EPHA6: variants seen among roughly 807,000 people sequenced by gnomAD.
EPHA6 encodes the protein EPH receptor A6, also known as ephrin type-A receptor 6.
A neutral mutation model predicts 112.0 loss-of-function variants in EPHA6; 50 were observed. The ratio of observed to expected loss-of-function variants is 0.45; its 90% CI spans 0.36 to 0.56. The LOEUF (loss-of-function observed/expected upper bound fraction) is 0.56, where lower values mean the gene tolerates loss of function less well. Ranked by LOEUF, EPHA6 falls within the 20% of genes least tolerant of loss-of-function variation. The probability of loss-of-function intolerance (pLI) is 0.00; values close to 1 mark genes in which losing one functional copy is unlikely to be tolerated. For synonymous variants in EPHA6, 529 were observed against 490.7 expected (o/e 1.08, Z -1.03); for missense variants, 1,280 against 1,417.4 (o/e 0.90, Z 1.56).
Position 96,947,717 on chromosome 3 carries a change from A to T in EPHA6, c.451-39613A>T, listed in dbSNP as rs879886064. Among the ~76,000 whole-genome samples, 30 of 152,160 alleles carry T rather than the reference A, an allele frequency of 2.0e-4. 1 individual carries two copies. The highest frequency in any genetic ancestry group is 3.9e-4 in the Admixed American group (6 of 15,260). On this transcript the variant is annotated intron_variant, in intron 2 of 17. Transcript: ENST00000389672. ...GGATGTGAAGGAGCTCTTCAAGGAG[A>T]ACTACAAACCACTGCTCAATGAAAT... is the stretch of plus-strand genomic sequence containing the variant.
At chr3:97,343,914 T>A (rs2083424525) in intron 5 of EPHA6, among the ~76,000 whole-genome samples, 1 of 152,128 alleles carries the variant, frequency 6.6e-6, no homozygotes, top group Admixed American at 6.5e-5. Flanking sequence ...AAGAGGATTG[T>A]TCTTGAGCCT....
At chr3:97,173,400 A>G (rs187288720) in intron 3 of EPHA6, among the ~76,000 whole-genome samples, 3 of 151,990 alleles carry the variant, frequency 2.0e-5, no homozygotes, top group East Asian at 1.9e-4. Context: ...TATGAAGTAT[A>G]TATGTATTAA....
intron 3 of EPHA6, among the ~76,000 whole-genome samples, chr3:97,182,113 A>G (rs1358595152): frequency 6.6e-6 from 1 of 152,022 alleles, no homozygotes; most frequent in Non-Finnish European, 1.5e-5. Flanking sequence ...GAAGCTTTTT[A>G]TTATGTCCCA....
intron 1 of EPHA6, among the ~76,000 whole-genome samples, chr3:96,849,186 C>G (rs2107361055): frequency 6.6e-6 from 1 of 152,060 alleles, no homozygotes; most frequent in South Asian, 2.1e-4. Context: ...TTACTTTGGT[C>G]CAGTTGAGCT....
In EPHA6 at chr3:97,478,025, C is replaced by G. The variant is rs187177746; in HGVS notation, c.2004-1269C>G. Among the ~76,000 whole-genome samples the G allele has an allele frequency of 9.3e-4, 141 of 151,962 alleles. 2 individuals are homozygous for G. Among genetic ancestry groups the G allele is most frequent in the Admixed American group, 8.0e-3 (122 of 15,260 alleles). On this transcript the variant is annotated intron_variant, in intron 8 of 17. Transcript: ENST00000389672. Reference sequence around the variant, plus strand: ...TTTTCTTATTATTATACTTTAAGTTCTAGGGTACATGTGCACACATATGTT... The same window carrying G: ...TTTTCTTATTATTATACTTTAAGTTGTAGGGTACATGTGCACACATATGTT...
At chr3:97,510,330 C>T (rs1384653200) in intron 10 of EPHA6, among the ~76,000 whole-genome samples, 1 of 152,168 alleles carries the variant, frequency 6.6e-6, no homozygotes, top group Non-Finnish European at 1.5e-5. Flanking sequence ...GATTTATCTA[C>T]CTTTGGTCTT....
intron 3 of EPHA6, among the ~76,000 whole-genome samples, chr3:97,024,825 C>T (rs2044583065): frequency 6.6e-6 from 1 of 152,072 alleles, no homozygotes; most frequent in Non-Finnish European, 1.5e-5. Flanking sequence ...TTAAGTGACT[C>T]TTGATTCTTA....
rs148332175 is a variant in EPHA6 at position 96,823,753 on chromosome 3, G to A, written c.385+8745G>A. Among the ~76,000 whole-genome samples, 508 of 151,866 alleles carry A rather than the reference G, an allele frequency of 3.3e-3. 4 individuals are homozygous for A. The highest frequency in any genetic ancestry group is 0.012 in the African/African-American group (482 of 41,528). On this transcript the variant is annotated intron_variant, in intron 1 of 17. Transcript: ENST00000389672. ...AAAGACTGGAATATCTTGGAAAATTGTAGAATACTAGAACATTTAATGAGA... is the reference window on the plus strand; with the variant it reads ...AAAGACTGGAATATCTTGGAAAATTATAGAATACTAGAACATTTAATGAGA...
chr3:97,035,310 C>G (rs900599530), intron 3 of EPHA6, among the ~76,000 whole-genome samples: 1 of 152,052 alleles, frequency 6.6e-6, no homozygotes, highest in African/African-American at 2.4e-5. Context: ...ACCTTTTCTG[C>G]AAGTCTCTCA....
intron 14 of EPHA6, among the ~76,000 whole-genome samples, chr3:97,695,745 T>C (rs1353463434): frequency 6.6e-6 from 1 of 152,194 alleles, no homozygotes; most frequent in Non-Finnish European, 1.5e-5. Flanking sequence ...TTTATCATGT[T>C]GGCCAGGATA....
chr3:97,212,206 C>T (rs1263134503), intron 3 of EPHA6, among the ~76,000 whole-genome samples: 1 of 152,040 alleles, frequency 6.6e-6, no homozygotes, highest in Non-Finnish European at 1.5e-5. Context: ...TATTTCATTT[C>T]AGGATACTTG....
At chr3:96,935,691 A>C (rs2040543235) in intron 2 of EPHA6, among the ~76,000 whole-genome samples, 1 of 148,022 alleles carries the variant, frequency 6.8e-6, no homozygotes, top group South Asian at 2.1e-4. Context: ...ATATATACAC[A>C]CATTATGTAT....
At position 97,289,864 on chromosome 3, in the gene EPHA6, C is replaced by T. The variant is rs116796394; in HGVS notation, c.1606+45577C>T. Among the ~76,000 whole-genome samples, 813 of 152,038 alleles carry T rather than the reference C, an allele frequency of 5.3e-3. 8 individuals carry two copies. Among genetic ancestry groups the T allele is most frequent in the African/African-American group, 0.018 (731 of 41,498 alleles). On this transcript the variant is annotated intron_variant, in intron 5 of 17. Transcript: ENST00000389672. The stretch of plus-strand genomic sequence containing the variant: ...CAGATTGTGTTCTTGATTTGGCTCT[C>T]GGCTAGTGGTCTATTGATCTTGTTT...
At chr3:96,943,838 G>GA (rs1233780834) in intron 2 of EPHA6, among the ~76,000 whole-genome samples, 1 of 151,900 alleles carries the variant, frequency 6.6e-6, no homozygotes, top group Admixed American at 6.6e-5. Flanking sequence ...AAAATAAATT[G>GA]AAAAAAGTAT....
At chr3:96,966,948 A>G (rs114190751) in intron 2 of EPHA6, among the ~76,000 whole-genome samples, 2,116 of 152,130 alleles carry the variant, frequency 0.014, 61 homozygotes, top group African/African-American at 0.048. Context: ...TGGGAACCAT[A>G]TTTAATTATG....
At chr3:97,577,664 C>T (rs2093399655) in intron 11 of EPHA6, among the ~76,000 whole-genome samples, 1 of 152,088 alleles carries the variant, frequency 6.6e-6, no homozygotes, top group Non-Finnish European at 1.5e-5. Context: ...CATGACATAA[C>T]CAGTTAAAAT....
intron 11 of EPHA6, among the ~76,000 whole-genome samples, chr3:97,549,717 G>A (rs2093003906): frequency 6.6e-6 from 1 of 152,066 alleles, no homozygotes; most frequent in Admixed American, 6.6e-5. Context: ...GGCTGAGGCA[G>A]GAGAAAAACT....
chr3:97,376,707 C>A (rs1051425790), intron 5 of EPHA6, among the ~76,000 whole-genome samples: 1 of 152,102 alleles, frequency 6.6e-6, no homozygotes, highest in Non-Finnish European at 1.5e-5. Flanking sequence ...CTGCTCAGGT[C>A]ATTATTTTCT....
intron 5 of EPHA6, among the ~76,000 whole-genome samples, chr3:97,326,581 A>G (rs1254777765): frequency 6.6e-6 from 1 of 152,054 alleles, no homozygotes; most frequent in African/African-American, 2.4e-5. Flanking sequence ...CTTAGAAAAC[A>G]TTTGGAACTT....
Sources: gnomAD v4.1 joint callset for allele counts (sites outside exome capture counted in the v4.1 genomes callset) on GRCh38, gnomAD v4.1.1 for gene constraint, MANE v1.5 for transcripts, NCBI Gene and HGNC (gene_info 2026-07-23, HGNC 2026-07-21) for gene names.